Variants in RNF19A observed in about 807,000 individuals in gnomAD.
RNF19A encodes the protein E3 ubiquitin-protein ligase RNF19A.
A neutral mutation model predicts 75.7 loss-of-function variants in RNF19A; 32 were observed. The ratio of observed to expected loss-of-function variants is 0.42; its 90% CI spans 0.32 to 0.57. RNF19A has a LOEUF of 0.57. Ranked by LOEUF, RNF19A falls within the 20% of genes least tolerant of loss-of-function variation. The pLI is 0.10. For missense variants in RNF19A, 782 were observed against 1,036.3 expected (o/e 0.75, Z 3.37); for synonymous variants, 335 against 345.2 (o/e 0.97, Z 0.33).
chr8:100,305,952 T>TATTGTATATATTATATATAA (rs1822046926), intron 1 of RNF19A, among the ~76,000 whole-genome samples: 1 of 152,208 alleles, frequency 6.6e-6, no homozygotes, highest in Admixed American at 6.5e-5. Flanking sequence ...TTTATATTAA[T>TATTGTATATATTATATATAA]ACGTTATATA....
At chr8:100,262,667 T>A (rs1819777217) in intron 7 of RNF19A, among the ~76,000 whole-genome samples, 1 of 152,134 alleles carries the variant, frequency 6.6e-6, no homozygotes. Context: ...AAGAAAGTTA[T>A]AATCTGACAG....
chr8:100,301,369 C>A (rs1421988637), intron 1 of RNF19A, among the ~76,000 whole-genome samples: 1 of 152,182 alleles, frequency 6.6e-6, no homozygotes, highest in South Asian at 2.1e-4. Context: ...ACCACATTAT[C>A]CTCTTTGTTA....
chr8:100,275,400 A>T lies in RNF19A; in HGVS notation c.675-239T>A. Among the ~76,000 whole-genome samples the T allele has an allele frequency of 6.6e-6, 1 of 150,840 alleles. No homozygotes were observed. Among genetic ancestry groups the T allele is most frequent in the Non-Finnish European group, 1.5e-5 (1 of 67,610 alleles). On this transcript the variant is annotated intron_variant, in intron 2 of 9. Coordinates refer to ENST00000341084, the MANE Select transcript of RNF19A (RefSeq NM_183419.4). The surrounding 1 kb of genome is among the most constrained non-coding windows in gnomAD (Gnocchi z 4.3). Reference sequence around the variant, plus strand: ...TTTTAACTTTCAGGGTTTTTTTTTTAGGTTCAGGGTTTTTTTTTTAGATTC... The same window carrying T: ...TTTTAACTTTCAGGGTTTTTTTTTTTGGTTCAGGGTTTTTTTTTTAGATTC...
intron 1 of RNF19A, among the ~76,000 whole-genome samples, chr8:100,289,481 T>C (rs568761801): frequency 7.2e-5 from 11 of 152,112 alleles, no homozygotes; most frequent in African/African-American, 1.9e-4. Flanking sequence ...TAAGAAAACA[T>C]AGACAATCCA....
upstream of RNF19A, among the ~76,000 whole-genome samples, chr8:100,314,805 A>G (rs898159768): frequency 1.3e-5 from 2 of 152,184 alleles, no homozygotes; most frequent in African/African-American, 4.8e-5. This position sits in a 1 kb window ranked among gnomAD's most constrained non-coding sequence, Gnocchi z 4.1. Context: ...TGTATAAAGT[A>G]CTTCATTGTC....
intron 1 of RNF19A, among the ~76,000 whole-genome samples, chr8:100,320,697 G>A (rs1822453585): frequency 6.6e-6 from 1 of 152,052 alleles, no homozygotes; most frequent in East Asian, 1.9e-4. Context: ...TCTTCATAGG[G>A]TTTCTATGTG....
chr8:100,309,446 T>C (rs1822200937), intron 1 of RNF19A: 7 of 985,154 alleles, frequency 7.1e-6, no homozygotes, highest in Admixed American at 1.2e-4. Context: ...CCCCGCCGCC[T>C]CCCCGCGGCA....
At chr8:100,305,606 A>G (rs573478611) in intron 1 of RNF19A, among the ~76,000 whole-genome samples, 1 of 152,250 alleles carries the variant, frequency 6.6e-6, no homozygotes, top group Non-Finnish European at 1.5e-5. Context: ...TCTATTGGAC[A>G]ACACTGCTGA....
At chr8:100,328,305 T>C (rs1407851420) in intron 1 of RNF19A, among the ~76,000 whole-genome samples, 1 of 152,128 alleles carries the variant, frequency 6.6e-6, no homozygotes, top group Non-Finnish European at 1.5e-5. Context: ...AGTCAAAAGA[T>C]CTAGCCTCTG....
Position 100,333,024 on chromosome 8 carries a change from A to G in RNF19A, c.-243+3084T>C, listed in dbSNP as rs1822630373. On this transcript the variant is annotated intron_variant, in intron 1 of 3. Transcript: ENST00000519527. This position sits in a 1 kb window ranked among gnomAD's most constrained non-coding sequence, Gnocchi z 4.7. ...CAACTTTGACTCTTTTCTCTTTTTC[A>G]CCCTCAGTATATTGCTAACTCTTAA... Among the ~76,000 whole-genome samples, 1 of 150,928 alleles carries G rather than the reference A, an allele frequency of 6.6e-6. No homozygotes were observed. Among genetic ancestry groups the G allele is most frequent in the South Asian group, 2.1e-4 (1 of 4,790 alleles).
upstream of RNF19A, chr8:100,310,295 C>T (rs1822255649): frequency 1.0e-6 from 1 of 962,580 alleles, no homozygotes; most frequent in African/African-American, 1.8e-5. Flanking sequence ...GGAGCCGCCC[C>T]GCTGCACCCG....
intron 2 of RNF19A, among the ~76,000 whole-genome samples, chr8:100,283,956 G>A (rs1029484940): frequency 2.0e-5 from 3 of 151,908 alleles, no homozygotes; most frequent in Non-Finnish European, 2.9e-5. Context: ...TAAAAAGGGC[G>A]GTCCTCTGTG....
chr8:100,258,294 G>C lies in RNF19A; in HGVS notation c.*262C>G. 1 of 441,726 alleles carries C rather than the reference G, an allele frequency of 2.3e-6. No homozygotes were observed. The highest frequency in any genetic ancestry group is 2.0e-5 in the African/African-American group (1 of 49,216). 27.4% of individuals were successfully genotyped at this position (441,726 alleles called of 1,614,324 possible). On this transcript the variant is annotated 3_prime_UTR_variant, in exon 10 of 10. Transcript: ENST00000341084. The surrounding 1 kb of genome is among the most constrained non-coding windows in gnomAD (Gnocchi z 4.3). ...TATCTAAGTATGTGCTTCAAGCAAT[G>C]TTTTGTGGCAAACACACAAAACATG...
intron 1 of RNF19A, among the ~76,000 whole-genome samples, chr8:100,315,939 A>T (rs1822366681): frequency 1.3e-5 from 2 of 152,248 alleles, no homozygotes. Flanking sequence ...TTTGAGAACC[A>T]CAGCATAAGT....
Position 100,261,911 on chromosome 8 carries a change from G to C in RNF19A, c.1469-156C>G, listed in dbSNP as rs1024680770. On this transcript the variant is annotated intron_variant, in intron 7 of 9. Coordinates refer to ENST00000341084, the MANE Select transcript of RNF19A (RefSeq NM_183419.4). The surrounding 1 kb of genome is among the most constrained non-coding windows in gnomAD (Gnocchi z 4.4). ...TTCAGGCTAGTCCACTAGAAGCAGTGGGAATAGAGCCAACAATTTTAAATG... is the reference window on the plus strand; with the variant it reads ...TTCAGGCTAGTCCACTAGAAGCAGTCGGAATAGAGCCAACAATTTTAAATG... Among the ~76,000 whole-genome samples, 1 of 152,074 alleles carries C rather than the reference G, an allele frequency of 6.6e-6. No individual in the cohort carries two copies. The highest frequency in any genetic ancestry group is 6.5e-5 in the Admixed American group (1 of 15,268).
Position 100,261,824 on chromosome 8 carries a change from A to G in RNF19A, c.1469-69T>C. The stretch of plus-strand genomic sequence containing the variant: ...AATTTTCTCCTTCTTAAATTCCTCC[A>G]TGATTTCAGAGAGGACATTATATAA... On this transcript the variant is annotated intron_variant, in intron 7 of 9. Coordinates refer to ENST00000341084, the MANE Select transcript of RNF19A (RefSeq NM_183419.4). The surrounding 1 kb of genome is among the most constrained non-coding windows in gnomAD (Gnocchi z 4.4). 1 of 1,445,838 alleles carries G rather than the reference A, an allele frequency of 6.9e-7. No homozygotes were observed. Among genetic ancestry groups the G allele is most frequent in the Non-Finnish European group, 9.7e-7 (1 of 1,027,432 alleles). The allele number at this position is 1,445,838 out of a possible 1,614,324, so 89.6% of individuals were successfully genotyped here. A position where few individuals can be genotyped will look rare whatever the true frequency, so the allele number is the denominator to read the frequency against.
chr8:100,282,652 C>T (rs1191410584), intron 2 of RNF19A, among the ~76,000 whole-genome samples: 4 of 151,664 alleles, frequency 2.6e-5, no homozygotes, highest in Non-Finnish European at 5.9e-5. Context: ...CTTGTTTTCT[C>T]TGGATAAAAT....
At position 100,317,146 on chromosome 8, in the gene RNF19A, G is replaced by A. The variant is rs1357164619; in HGVS notation, c.-242-3774C>T. 6.6e-6 allele frequency among the ~76,000 whole-genome samples: 1 copy of A among 152,234 alleles called. No individual in the cohort carries two copies. The highest frequency in any genetic ancestry group is 1.5e-5 in the Non-Finnish European group (1 of 68,036). On this transcript the variant is annotated intron_variant, in intron 1 of 3. Coordinates refer to the RNF19A transcript ENST00000519527. The surrounding 1 kb of genome is among the most constrained non-coding windows in gnomAD (Gnocchi z 4.3). ...GCAAGCGCCGCACGCAGCCCAGCCC[G>A]GGTTCCCGCTCGCGCCTCTCCCTCC...
At chr8:100,310,191 G>A (rs1345360603), upstream of RNF19A, 3 of 985,348 alleles carry the variant, frequency 3.0e-6, no homozygotes, top group Non-Finnish European at 3.6e-6. Flanking sequence ...CGCCGCCCGC[G>A]TGCTGTGCGT....
Sources: allele counts gnomAD v4.1 joint callset (sites outside exome capture counted in the v4.1 genomes callset), GRCh38; gene constraint gnomAD v4.1.1; non-coding constraint Gnocchi (gnomAD v3.1); transcripts MANE v1.5; gene names NCBI Gene and HGNC (gene_info 2026-07-23, HGNC 2026-07-21).